The following FLI1 variants were observed in gnomAD, a reference collection of about 807,000 sequenced individuals.
FLI1 encodes Fli-1 proto-oncogene, ETS transcription factor, also known as Friend leukemia integration 1 transcription factor.
FLI1 carries 13 observed loss-of-function variants against 53.1 expected under a neutral mutation model. The ratio of observed to expected loss-of-function variants is 0.24; its 90% CI spans 0.16 to 0.39. The LOEUF (loss-of-function observed/expected upper bound fraction) is 0.39, where lower values mean the gene tolerates loss of function less well. Among genes scored for constraint, FLI1 ranks in the 10% least tolerant of loss-of-function variants. The probability of loss-of-function intolerance (pLI) is 1.00; values close to 1 mark genes in which losing one functional copy is unlikely to be tolerated. For missense variants in FLI1, 424 were observed against 600.5 expected (o/e 0.71, Z 3.07); for synonymous variants, 244 against 236.7 (o/e 1.03, Z -0.28).
At chr11:128,788,695 G>T (rs1186999675) in intron 5 of FLI1, among the ~76,000 whole-genome samples, 2 of 152,144 alleles carry the variant, frequency 1.3e-5, no homozygotes, top group African/African-American at 2.4e-5. Context: ...CCCAGCCATG[G>T]TCACACAGGG....
At position 128,781,482 on chromosome 11, in the gene FLI1, A is replaced by T. The variant is rs534670886; in HGVS notation, c.590-476A>T. Among the ~76,000 whole-genome samples, 256 of 152,354 alleles carry T rather than the reference A, an allele frequency of 1.7e-3. 1 individual carries two copies. Among genetic ancestry groups the T allele is most frequent in the Middle Eastern group, 0.014 (4 of 294 alleles). ...ATTGTAGTTAGCCTATGAAGCCAAA[A>T]TATTTACTATCTCCTTTTGATAGAA... is the stretch of plus-strand genomic sequence containing the variant. On this transcript the variant is annotated intron_variant, in intron 4 of 8. Coordinates refer to ENST00000527786, the MANE Select transcript of FLI1 (RefSeq NM_002017.5).
At chr11:128,759,295 G>A (rs1941016295) in intron 2 of FLI1, among the ~76,000 whole-genome samples, 1 of 152,204 alleles carries the variant, frequency 6.6e-6, no homozygotes, top group African/African-American at 2.4e-5. Flanking sequence ...TTATTCCACA[G>A]CCAGAGGCTG....
At chr11:128,767,926 G>C (rs1293796673) in intron 2 of FLI1, among the ~76,000 whole-genome samples, 192 bp from the exon 3 acceptor site, 1 of 152,194 alleles carries the variant, frequency 6.6e-6, no homozygotes, top group Non-Finnish European at 1.5e-5. Flanking sequence ...ATAGGATTGG[G>C]CTGGGATTTG....
chr11:128,769,692 C>G (rs993548453), intron 3 of FLI1, among the ~76,000 whole-genome samples: 1 of 152,182 alleles, frequency 6.6e-6, no homozygotes, highest in African/African-American at 2.4e-5. Context: ...TAAGTTTGCT[C>G]TTCCACAAGC....
At chr11:128,716,197 A>G (rs1322091302) in intron 1 of FLI1, among the ~76,000 whole-genome samples, 1 of 152,208 alleles carries the variant, frequency 6.6e-6, no homozygotes, top group Non-Finnish European at 1.5e-5. Flanking sequence ...CAGGAGATTT[A>G]GAGAAGTTGA....
intron 5 of FLI1, among the ~76,000 whole-genome samples, chr11:128,787,593 G>A (rs1275699623): frequency 6.6e-6 from 1 of 152,122 alleles, no homozygotes. Context: ...CCTGGACAAG[G>A]TGCTTACATT....
chr11:128,759,118 G>A (rs538137628), intron 2 of FLI1, among the ~76,000 whole-genome samples: 23 of 152,338 alleles, frequency 1.5e-4, no homozygotes, highest in African/African-American at 4.8e-4. Flanking sequence ...AGACGCGTTA[G>A]GAAAGTGCTC....
At chr11:128,692,719 G>T (rs978112252), upstream of FLI1, 1 of 152,210 alleles carries the variant, frequency 6.6e-6, no homozygotes, top group African/African-American at 2.4e-5. Flanking sequence ...ATCTCCTCTG[G>T]ATTTTTTTTC....
intron 1 of FLI1, among the ~76,000 whole-genome samples, chr11:128,749,459 G>C (rs967445902): frequency 6.6e-6 from 1 of 152,174 alleles, no homozygotes; most frequent in Non-Finnish European, 1.5e-5. Context: ...GCTAATCTGA[G>C]CTTCCTCACA....
intron 2 of FLI1, among the ~76,000 whole-genome samples, chr11:128,766,881 T>A (rs1046908280): frequency 6.6e-6 from 1 of 151,958 alleles, no homozygotes; most frequent in African/African-American, 2.4e-5. Flanking sequence ...TTGGAGCTCT[T>A]GAGAGAACTG....
chr11:128,796,490 G>C (rs966913188), intron 5 of FLI1, among the ~76,000 whole-genome samples: 1 of 152,170 alleles, frequency 6.6e-6, no homozygotes, highest in Admixed American at 6.5e-5. Flanking sequence ...TGCATGTCTG[G>C]TTTAGATAAT....
chr11:128,775,512 A>G (rs942189175), intron 4 of FLI1, among the ~76,000 whole-genome samples: 1 of 152,134 alleles, frequency 6.6e-6, no homozygotes, highest in Non-Finnish European at 1.5e-5. Flanking sequence ...GGGACCCTCT[A>G]GTGTGAGGTG....
chr11:128,743,583 GGA>G (rs60564245), intron 1 of FLI1, among the ~76,000 whole-genome samples: 27,517 of 151,934 alleles, frequency 0.18, 2,867 homozygotes, highest in Admixed American at 0.34. Context: ...TTTATAATGT[GGA>G]GATTGAGCCT....
intron 5 of FLI1, among the ~76,000 whole-genome samples, chr11:128,788,660 G>T (rs184784491): frequency 2.2e-3 from 332 of 152,266 alleles, no homozygotes; most frequent in Non-Finnish European, 2.1e-3. Context: ...GAACAGGAGA[G>T]ATCTGAGGCC....
intron 1 of FLI1, among the ~76,000 whole-genome samples, chr11:128,696,701 A>G (rs1938094942): frequency 6.6e-6 from 1 of 152,356 alleles, no homozygotes; most frequent in South Asian, 2.1e-4. Context: ...TTGTGTACAC[A>G]AATCCAGGGT....
At position 128,768,225 on chromosome 11, in the gene FLI1, C is replaced by T. The variant is rs373376557; in HGVS notation, c.338C>T (p.Pro113Leu). 1.2e-5 allele frequency: 19 copies of T among 1,613,812 alleles called. No individual in the cohort carries two copies. The highest frequency in any genetic ancestry group is 1.6e-5 in the Non-Finnish European group (19 of 1,179,874). ...TATATGGACGAGAAGAATGGCCCCC[C>T]TCCTCCCAACATGACCACCAACGAG... Reference protein sequence around the residue: ...NSYMDEKNGPPPPNMTTNERR... With the variant: ...NSYMDEKNGPLPPNMTTNERR... The change falls in exon 3 of 9, where the codon CCT becomes CTT. Residue 113 changes from proline to leucine, a missense_variant. By Grantham distance (98) the Pro-to-Leu change is moderately conservative. This residue lies in a region of FLI1 where 137 missense variants were observed against 169.1 expected (regional missense o/e 0.81). Transcript: ENST00000527786.
At chr11:128,725,676 T>TTG (rs745676341) in intron 1 of FLI1, among the ~76,000 whole-genome samples, 18 of 146,468 alleles carry the variant, frequency 1.2e-4, no homozygotes, top group South Asian at 4.3e-4. Context: ...GTGTGTGTGT[T>TTG]TGTGTGTGTG....
At chr11:128,750,583 C>T (rs528104788) in intron 1 of FLI1, among the ~76,000 whole-genome samples, 1 of 152,204 alleles carries the variant, frequency 6.6e-6, no homozygotes, top group Non-Finnish European at 1.5e-5. Flanking sequence ...TCAAACCACC[C>T]TCTTCTTCTT....
At chr11:128,764,002 G>T (rs546111439) in intron 2 of FLI1, among the ~76,000 whole-genome samples, 2 of 152,186 alleles carry the variant, frequency 1.3e-5, no homozygotes, top group African/African-American at 4.8e-5. Context: ...TACACGCCGC[G>T]GGTCCTAATG....
Sources: gnomAD v4.1 joint callset for allele counts (sites outside exome capture counted in the v4.1 genomes callset) on GRCh38, gnomAD v4.1.1 for gene constraint, gnomAD v4.1.1 regional missense constraint, MANE v1.5 for transcripts, NCBI Gene and HGNC (gene_info 2026-07-23, HGNC 2026-07-21) for gene names.